Variants in THRAP3 observed in about 807,000 individuals in gnomAD.
THRAP3 encodes the protein thyroid hormone receptor-associated protein 3.
In THRAP3, 16 loss-of-function variants were observed where a neutral mutation model predicts 101.0. That is an observed-to-expected ratio of 0.16 (90% CI 0.11 to 0.24). The LOEUF (loss-of-function observed/expected upper bound fraction) is 0.24, where lower values mean the gene tolerates loss of function less well. Among genes scored for constraint, THRAP3 ranks in the 10% least tolerant of loss-of-function variants. THRAP3 has a pLI of 1.00. For synonymous variants in THRAP3, 407 were observed against 422.6 expected (o/e 0.96, Z 0.45); for missense variants, 989 against 1,202.7 (o/e 0.82, Z 2.63).
At chr1:36,213,641 T>C in the THRAP3 span, among the ~76,000 whole-genome samples, 2 of 150,830 alleles carry the variant, frequency 1.3e-5, no homozygotes, top group Admixed American at 1.3e-4. Flanking sequence ...AGGTCAGGAG[T>C]TCGAGACCAG....
intron 1 of THRAP3, among the ~76,000 whole-genome samples, chr1:36,227,899 G>A (rs1381616988): frequency 6.6e-6 from 1 of 152,114 alleles, no homozygotes; most frequent in African/African-American, 2.4e-5. Context: ...TTTTTGAGAC[G>A]GAATCTCGCT....
upstream of THRAP3, among the ~76,000 whole-genome samples, chr1:36,219,765 C>T (rs1644893824): frequency 6.6e-6 from 1 of 152,094 alleles, no homozygotes. Flanking sequence ...AATAGCCTTC[C>T]ACTGGAAGCA....
At position 36,275,269 on chromosome 1, in the gene THRAP3, G is replaced by A. The variant is rs1645643462; in HGVS notation, c.-31-7264G>A. 3.1e-5 allele frequency among the ~76,000 whole-genome samples: 4 copies of A among 130,424 alleles called. No individual in the cohort carries two copies. In the South Asian group the frequency reaches 8.0e-4, roughly 26 times the overall value. The allele number at this position is 130,424 out of a possible 152,430, so 85.6% of individuals were successfully genotyped here. A position where few individuals can be genotyped will look rare whatever the true frequency, so the allele number is the denominator to read the frequency against. The stretch of plus-strand genomic sequence containing the variant: ...CGCACCACTGCACTCCAGCCTGGGC[G>A]ACAAAGCGAGAGTCTGTCTCAAAAA... On this transcript the variant is annotated intron_variant, in intron 2 of 11. Transcript: ENST00000354618.
At chr1:36,222,726 A>G (rs1644910908), upstream of THRAP3, among the ~76,000 whole-genome samples, 1 of 152,206 alleles carries the variant, frequency 6.6e-6, no homozygotes, top group African/African-American at 2.4e-5. Context: ...GTATTTCTTA[A>G]AAGGGGAGCC....
chr1:36,239,509 C>T (rs756486018), intron 1 of THRAP3, among the ~76,000 whole-genome samples: 1 of 152,076 alleles, frequency 6.6e-6, no homozygotes, highest in Non-Finnish European at 1.5e-5. Flanking sequence ...TCAAGTAATC[C>T]TCTCACCTCG....
At chr1:36,301,120 C>T (rs1441171763) in intron 10 of THRAP3, 36 bp downstream of exon 10, 1 of 1,595,238 alleles carries the variant, frequency 6.3e-7, no homozygotes, top group South Asian at 1.1e-5. Context: ...CTCTGAGACC[C>T]TTGCTCCTAC....
chr1:36,236,729 A>T (rs536175318), intron 1 of THRAP3, among the ~76,000 whole-genome samples: 1 of 152,336 alleles, frequency 6.6e-6, no homozygotes, highest in East Asian at 1.9e-4. Flanking sequence ...TTTTCATATT[A>T]ACTAATTAAA....
chr1:36,254,010 T>C (rs766563027), intron 1 of THRAP3, among the ~76,000 whole-genome samples: 9 of 152,028 alleles, frequency 5.9e-5, no homozygotes, highest in Non-Finnish European at 8.8e-5. Context: ...TTAAGGGTGG[T>C]TCTTGTTGAA....
At chr1:36,279,971 TATAAC>T (rs1171222473) in intron 2 of THRAP3, among the ~76,000 whole-genome samples, 11 of 152,282 alleles carry the variant, frequency 7.2e-5, no homozygotes, top group Non-Finnish European at 1.3e-4. Context: ...AGACAGGCAA[TATAAC>T]ATAGTGGTTA....
chr1:36,234,622 T>C (rs1387191532), intron 1 of THRAP3, among the ~76,000 whole-genome samples: 1 of 152,196 alleles, frequency 6.6e-6, no homozygotes, highest in East Asian at 1.9e-4. Flanking sequence ...TTGTTTATTA[T>C]GAAAGCTTAA....
At chr1:36,239,615 G>T (rs1471984202) in intron 1 of THRAP3, among the ~76,000 whole-genome samples, 2 of 152,216 alleles carry the variant, frequency 1.3e-5, no homozygotes, top group East Asian at 3.9e-4. Context: ...TGTTTCCCTG[G>T]TTCTGGGTAG....
At chr1:36,240,560 C>T (rs188603746) in intron 1 of THRAP3, among the ~76,000 whole-genome samples, 24 of 152,336 alleles carry the variant, frequency 1.6e-4, no homozygotes, top group East Asian at 7.7e-4. Context: ...AGTCCACTCA[C>T]TCACATGTCA....
At chr1:36,246,460 T>G (rs1212798906) in intron 1 of THRAP3, among the ~76,000 whole-genome samples, 1 of 150,744 alleles carries the variant, frequency 6.6e-6, no homozygotes, top group East Asian at 2.1e-4. Context: ...CCCGAACTCC[T>G]GATCTCAAGT....
At chr1:36,270,072 A>G (rs1234369991) in intron 2 of THRAP3, among the ~76,000 whole-genome samples, 1 of 152,058 alleles carries the variant, frequency 6.6e-6, no homozygotes, top group African/African-American at 2.4e-5. Context: ...ACTTTTGTGT[A>G]TGTTTGAATC....
Position 36,242,450 on chromosome 1 carries a change from A to AT in THRAP3, c.-134-16912dup, listed in dbSNP as rs34973754. Among the ~76,000 whole-genome samples, 52 of 90,514 alleles carry AT rather than the reference A, an allele frequency of 5.7e-4. 1 individual carries two copies. Among genetic ancestry groups the AT allele is most frequent in the African/African-American group, 8.2e-4 (21 of 25,484 alleles). 59.4% of individuals were successfully genotyped at this position (90,514 alleles called of 152,430 possible). A position where few individuals can be genotyped will look rare whatever the true frequency, so the allele number is the denominator to read the frequency against. On this transcript the variant is annotated intron_variant, in intron 1 of 11. Transcript: ENST00000354618. ...TTACAGGTGCGAGCCGTCTGTTTTG[A>AT]TTTTTTTTTTTTTTTTTTTTGAGAT...
At chr1:36,279,034 A>G (rs1156541463) in intron 2 of THRAP3, among the ~76,000 whole-genome samples, 1 of 152,192 alleles carries the variant, frequency 6.6e-6, no homozygotes, top group Non-Finnish European at 1.5e-5. Context: ...GGGGCGTCAC[A>G]GTATTGCAGC....
intron 2 of THRAP3, among the ~76,000 whole-genome samples, chr1:36,265,664 T>C (rs577293416): frequency 2.0e-5 from 3 of 152,216 alleles, no homozygotes; most frequent in East Asian, 1.9e-4. Context: ...GCAAAAATTA[T>C]TTATTTTTTA....
chr1:36,270,744 A>T (rs1248113494), intron 2 of THRAP3, among the ~76,000 whole-genome samples: 2 of 151,648 alleles, frequency 1.3e-5, no homozygotes, highest in Non-Finnish European at 2.9e-5. Flanking sequence ...CGCCTAGCGA[A>T]TTTTGTATTT....
chr1:36,232,789 A>G (rs1386329291), intron 1 of THRAP3, among the ~76,000 whole-genome samples: 1 of 152,128 alleles, frequency 6.6e-6, no homozygotes, highest in Admixed American at 6.6e-5. Flanking sequence ...CCAAGGGGCA[A>G]GAGGGTACTT....
Sources: allele counts gnomAD v4.1 joint callset (sites outside exome capture counted in the v4.1 genomes callset), GRCh38; gene constraint gnomAD v4.1.1; transcripts MANE v1.5; gene names NCBI Gene and HGNC (gene_info 2026-07-23, HGNC 2026-07-21).